The following CTNND2 variants were observed in gnomAD, a reference collection of about 807,000 sequenced individuals.
CTNND2 encodes catenin delta-2.
Under a neutral mutation model 144.4 loss-of-function variants are expected in CTNND2, and 22 were observed. The ratio of observed to expected loss-of-function variants is 0.15; its 90% CI spans 0.11 to 0.22. The LOEUF (loss-of-function observed/expected upper bound fraction) is 0.22. Ranked by LOEUF, CTNND2 falls within the 10% of genes least tolerant of loss-of-function variation. The probability of loss-of-function intolerance (pLI) is 1.00; values close to 1 mark genes in which losing one functional copy is unlikely to be tolerated. For missense variants in CTNND2, 1,353 were observed against 1,618.8 expected, an observed-to-expected ratio of 0.84 and a Z score of 2.82; for synonymous variants, 751 against 695.6, an observed-to-expected ratio of 1.08 and a Z score of -1.25.
Position 11,403,100 on chromosome 5 carries a change from T to C in CTNND2, c.440-5897A>G, listed in dbSNP as rs139372727. Among the ~76,000 whole-genome samples, 14 of 152,318 alleles carry C rather than the reference T, an allele frequency of 9.2e-5. No individual in the cohort carries two copies. The East Asian group carries it at 2.3e-3, about 25-fold the overall frequency. On this transcript the variant is annotated intron_variant, in intron 5 of 21. Coordinates refer to ENST00000304623, the MANE Select transcript of CTNND2 (RefSeq NM_001332.4). ...GTGCAGAATGTGCAGGTGTGTTACA[T>C]AGGTATACATGTGCCGTGGTTGTTT...
chr5:11,485,374 TGCGC>T (rs141291357), intron 3 of CTNND2, among the ~76,000 whole-genome samples: 43,616 of 140,350 alleles, frequency 0.31, 7,379 homozygotes, highest in South Asian at 0.43. Flanking sequence ...TGTGTGTGTG[TGCGC>T]GCGCGCGCGT....
At chr5:11,488,993 T>C (rs532139699) in intron 3 of CTNND2, among the ~76,000 whole-genome samples, 1 of 152,342 alleles carries the variant, frequency 6.6e-6, no homozygotes, top group East Asian at 1.9e-4. Flanking sequence ...AGTTTTGGAC[T>C]ATCACAAATA....
chr5:11,051,036 A>G (rs1580145223), intron 16 of CTNND2, among the ~76,000 whole-genome samples: 1 of 152,222 alleles, frequency 6.6e-6, no homozygotes, highest in African/African-American at 2.4e-5. Flanking sequence ...TAGGAAGCTC[A>G]GAATAGACAG....
At chr5:11,013,794 CT>C (rs1741332935) in intron 18 of CTNND2, among the ~76,000 whole-genome samples, 1 of 152,232 alleles carries the variant, frequency 6.6e-6, no homozygotes, top group Non-Finnish European at 1.5e-5. Flanking sequence ...ATGCAGCCCC[CT>C]GTCCCCATCC....
chr5:11,646,675 T>C (rs1222352653), intron 2 of CTNND2, among the ~76,000 whole-genome samples: 1 of 152,222 alleles, frequency 6.6e-6, no homozygotes, highest in African/African-American at 2.4e-5. Flanking sequence ...AAAATATTTT[T>C]TGTTCAATTT....
intron 16 of CTNND2, chr5:11,027,442 C>A (rs1289381446): frequency 6.6e-6 from 1 of 152,032 alleles, no homozygotes; most frequent in Non-Finnish European, 1.5e-5. Context: ...TGGGCCATTT[C>A]TTTTAAGTTA....
chr5:11,619,717 G>T (rs1780745414), intron 2 of CTNND2, among the ~76,000 whole-genome samples: 1 of 152,170 alleles, frequency 6.6e-6, no homozygotes, highest in African/African-American at 2.4e-5. Flanking sequence ...TTATAAAAAT[G>T]ACATGATCTA....
intron 5 of CTNND2, among the ~76,000 whole-genome samples, 175 bp from the exon 6 acceptor site, chr5:11,397,378 T>C (rs1008438409): frequency 4.7e-5 from 6 of 128,856 alleles, no homozygotes; most frequent in Non-Finnish European, 7.5e-5. Flanking sequence ...TCAGATGAGA[T>C]TTTTTATTTT....
At chr5:11,587,851 T>C (rs148445109) in intron 2 of CTNND2, among the ~76,000 whole-genome samples, 5 of 152,202 alleles carry the variant, frequency 3.3e-5, no homozygotes, top group African/African-American at 1.2e-4. Context: ...ATTCCACAGA[T>C]TGTCATTTTA....
intron 16 of CTNND2, among the ~76,000 whole-genome samples, chr5:11,030,418 T>A (rs141876796): frequency 1.3e-5 from 2 of 152,078 alleles, no homozygotes; most frequent in Admixed American, 1.3e-4. Flanking sequence ...TAAGCTCTGC[T>A]CCTTTTCTTC....
Position 11,533,092 on chromosome 5 carries a change from C to T in CTNND2, c.287+31852G>A, listed in dbSNP as rs10041991. Among the ~76,000 whole-genome samples, 1,090 of 152,300 alleles carry T rather than the reference C, an allele frequency of 7.2e-3. 14 individuals carry two copies. The highest frequency in any genetic ancestry group is 0.023 in the African/African-American group (947 of 41,568). On this transcript the variant is annotated intron_variant, in intron 3 of 21. Coordinates refer to ENST00000304623, the MANE Select transcript of CTNND2 (RefSeq NM_001332.4). ...GCGGAGAAGAGGAAAGGTGGAAATGCAAGTTCACAAAGACTCTCACTCTGG... is the reference window on the plus strand; with the variant it reads ...GCGGAGAAGAGGAAAGGTGGAAATGTAAGTTCACAAAGACTCTCACTCTGG...
chr5:11,097,305 T>C (rs1751449501), intron 15 of CTNND2, among the ~76,000 whole-genome samples: 1 of 152,220 alleles, frequency 6.6e-6, no homozygotes, highest in South Asian at 2.1e-4. Flanking sequence ...ATGCTTGGGA[T>C]GTCTACCTGG....
At chr5:11,858,765 T>C (rs928349394) in intron 1 of CTNND2, among the ~76,000 whole-genome samples, 2 of 151,998 alleles carry the variant, frequency 1.3e-5, no homozygotes, top group African/African-American at 2.4e-5. Flanking sequence ...CCGTCTCTAC[T>C]AAAAATACAA....
chr5:11,402,327 A>T (rs1315932055), intron 5 of CTNND2, among the ~76,000 whole-genome samples: 2 of 152,238 alleles, frequency 1.3e-5, no homozygotes, highest in African/African-American at 2.4e-5. Context: ...TAAAGGAAAC[A>T]GATGGTAGAA....
chr5:11,624,996 A>C (rs929368621), intron 2 of CTNND2, among the ~76,000 whole-genome samples: 1 of 152,016 alleles, frequency 6.6e-6, no homozygotes, highest in African/African-American at 2.4e-5. Flanking sequence ...TGACAACAAC[A>C]ACCAAAAAAA....
chr5:11,665,920 T>C (rs1261079201), intron 2 of CTNND2, among the ~76,000 whole-genome samples: 1 of 152,204 alleles, frequency 6.6e-6, no homozygotes, highest in South Asian at 2.1e-4. Context: ...ACAAAATGCA[T>C]CATATTTTTC....
intron 15 of CTNND2, among the ~76,000 whole-genome samples, chr5:11,086,965 G>A (rs2400008): frequency 0.041 from 6,169 of 152,188 alleles, 152 homozygotes; most frequent in African/African-American, 0.059. Context: ...CTCTTCTGAG[G>A]CTGAATCCAT....
At chr5:11,201,774 A>G (rs1388855336) in intron 10 of CTNND2, among the ~76,000 whole-genome samples, 2 of 152,152 alleles carry the variant, frequency 1.3e-5, no homozygotes, top group African/African-American at 4.8e-5. Flanking sequence ...GGGAGACTCA[A>G]GGATCTTTTG....
intron 2 of CTNND2, among the ~76,000 whole-genome samples, chr5:11,651,073 A>G (rs1015504840): frequency 3.3e-5 from 5 of 152,236 alleles, no homozygotes; most frequent in African/African-American, 1.2e-4. Flanking sequence ...ATTTCACAGA[A>G]CTTTGCAGTA....
Sources: allele counts gnomAD v4.1 joint callset (sites outside exome capture counted in the v4.1 genomes callset), GRCh38; gene constraint gnomAD v4.1.1; transcripts MANE v1.5; gene names NCBI Gene and HGNC (gene_info 2026-07-23, HGNC 2026-07-21).